RBBP8: variants seen among roughly 807,000 people sequenced by gnomAD.
RBBP8 encodes the protein DNA endonuclease RBBP8.
A neutral mutation model predicts 108.3 loss-of-function variants in RBBP8; 88 were observed. That is an observed-to-expected ratio of 0.81 (90% CI 0.68 to 0.97). The LOEUF (loss-of-function observed/expected upper bound fraction) is 0.97. RBBP8 is among the 50% of genes least tolerant of loss of function. The probability of loss-of-function intolerance (pLI) is 0.00; values close to 1 mark genes in which losing one functional copy is unlikely to be tolerated. For synonymous variants in RBBP8, 332 were observed against 348.2 expected (o/e 0.95, Z 0.52); for missense variants, 1,023 against 1,049.0 (o/e 0.98, Z 0.34).
chr18:22,984,846 A>G (rs376463459), intron 7 of RBBP8, 40 bp from the exon 8 acceptor site: 2 of 1,028,666 alleles, frequency 1.9e-6, no homozygotes, highest in Admixed American at 1.9e-5. Context: ...TTTCATCATC[A>G]TTGTTTATTG....
intron 3 of RBBP8, among the ~76,000 whole-genome samples, chr18:22,925,058 T>C (rs1384800489): frequency 2.0e-5 from 3 of 151,990 alleles, no homozygotes; most frequent in Admixed American, 6.6e-5. Flanking sequence ...TTTATTTTTA[T>C]TTTCTTGTAG....
intron 4 of RBBP8, among the ~76,000 whole-genome samples, chr18:22,964,111 C>A (rs973219719): frequency 8.6e-5 from 13 of 152,042 alleles, no homozygotes; most frequent in African/African-American, 3.1e-4. Context: ...TTTTTTCCCC[C>A]ACAATCCCCA....
At chr18:22,987,394 G>C (rs575238025) in intron 8 of RBBP8, among the ~76,000 whole-genome samples, 2 of 152,132 alleles carry the variant, frequency 1.3e-5, no homozygotes, top group African/African-American at 4.8e-5. Context: ...TGTAAACGTC[G>C]TCAGTGTTGC....
intron 12 of RBBP8, 138 bp downstream of exon 12, chr18:22,993,985 T>G (rs1304786305): frequency 1.1e-5 from 9 of 793,154 alleles, no homozygotes; most frequent in Non-Finnish European, 1.8e-5. Context: ...ATAGGACGAT[T>G]CTCACATTTT....
intron 2 of RBBP8, among the ~76,000 whole-genome samples, chr18:22,941,296 C>T (rs1352447277): frequency 6.6e-6 from 1 of 151,810 alleles, no homozygotes; most frequent in Admixed American, 6.5e-5. Flanking sequence ...CTCAGCCCCG[C>T]AAGTAGCTGG....
chr18:22,979,167 G>A (rs2144640619), intron 6 of RBBP8, among the ~76,000 whole-genome samples: 1 of 152,288 alleles, frequency 6.6e-6, no homozygotes, highest in East Asian at 1.9e-4. Flanking sequence ...TACTCGGGAG[G>A]CTGAGACACA....
chr18:23,005,440 GTC>G (rs1215907699), intron 15 of RBBP8, among the ~76,000 whole-genome samples: 1 of 152,052 alleles, frequency 6.6e-6, no homozygotes, highest in African/African-American at 2.4e-5. Flanking sequence ...TTGAGACGGA[GTC>G]TTGCTCTGTT....
intron 9 of RBBP8, among the ~76,000 whole-genome samples, chr18:22,990,311 A>G (rs1323419337): frequency 2.0e-5 from 3 of 152,194 alleles, no homozygotes; most frequent in East Asian, 3.9e-4. Context: ...CAAAATCTCC[A>G]GTTGACTTGT....
chr18:22,984,890 G>C lies in RBBP8; in HGVS notation c.609G>C (p.Met203Ile), dbSNP rs1915212521. ...KLEHSVCANE[M>I]RKVSKSSTHP... The stretch of plus-strand genomic sequence containing the variant: ...CTTATTTTTTTCTCCCCTTAGAAAT[G>C]AGAAAAGTTTCCAAGTCTTCAACTC... The change falls in exon 8 of 19, where the codon ATG becomes ATC. Residue 203 changes from methionine (M) to isoleucine (I), a missense_variant. Coordinates refer to ENST00000327155, the MANE Select transcript of RBBP8 (RefSeq NM_002894.3). 6.3e-7 allele frequency: 1 copy of C among 1,583,380 alleles called. No individual in the cohort carries two copies. Among genetic ancestry groups the C allele is most frequent in the African/African-American group, 1.3e-5 (1 of 74,210 alleles).
chr18:22,954,842 A>G (rs1912369712), intron 4 of RBBP8, among the ~76,000 whole-genome samples: 1 of 152,048 alleles, frequency 6.6e-6, no homozygotes. Flanking sequence ...CAAAAGGGGG[A>G]AAAGCCCCTT....
chr18:22,996,207 C>A (rs183222945), intron 12 of RBBP8, among the ~76,000 whole-genome samples, 167 bp from the exon 13 acceptor site: 2 of 152,208 alleles, frequency 1.3e-5, no homozygotes, highest in East Asian at 1.9e-4. Context: ...GGATATTTGT[C>A]TTTTTATTAT....
chr18:22,961,103 T>C (rs1187827025), intron 4 of RBBP8, among the ~76,000 whole-genome samples: 5 of 152,224 alleles, frequency 3.3e-5, no homozygotes, highest in Non-Finnish European at 5.9e-5. Flanking sequence ...TTGTACTAGC[T>C]CCTAGTTTAA....
chr18:23,017,419 C>T (rs1193092189), intron 17 of RBBP8, among the ~76,000 whole-genome samples: 3 of 150,776 alleles, frequency 2.0e-5, no homozygotes, highest in African/African-American at 7.3e-5. Context: ...TTTGGGAGGC[C>T]AAGGCGGGCG....
At chr18:23,002,004 ATTAG>A (rs1222556092) in intron 15 of RBBP8, among the ~76,000 whole-genome samples, 7 of 152,196 alleles carry the variant, frequency 4.6e-5, no homozygotes. Context: ...AGAAACTAAG[ATTAG>A]TTTGGTATTA....
At position 22,997,529 on chromosome 18, in the gene RBBP8, G is replaced by A. The variant is rs190200113; in HGVS notation, c.2029-91G>A. The A allele has an allele frequency of 4.3e-5, 35 of 807,458 alleles. No individual in the cohort carries two copies. The East Asian group carries it at 8.3e-4, about 19-fold the overall frequency. The allele number at this position is 807,458 out of a possible 1,614,324, so 50.0% of individuals were successfully genotyped here. On this transcript the variant is annotated intron_variant, in intron 13 of 18. Transcript: ENST00000327155. ...TTAAAAGTTGTAAAATGTATGTTAT[G>A]TATATTTTACCAAAATGTTTTGTAA... is the stretch of plus-strand genomic sequence containing the variant.
intron 16 of RBBP8, among the ~76,000 whole-genome samples, chr18:23,015,377 G>T (rs1194365609): frequency 6.6e-6 from 1 of 152,026 alleles, no homozygotes; most frequent in East Asian, 1.9e-4. Flanking sequence ...TTTTTAAATA[G>T]GTTATTATAT....
chr18:23,010,300 G>A lies in RBBP8; in HGVS notation c.2357+3868G>A, dbSNP rs2046133949. 2.0e-5 allele frequency among the ~76,000 whole-genome samples: 3 copies of A among 152,076 alleles called. No individual in the cohort carries two copies. In the East Asian group the frequency reaches 5.8e-4, roughly 29 times the overall value. ...TCATTGAGATAGATTCCTAGAAGTA[G>A]GACTGCAGAGTAACAACTGTCATTT... On this transcript the variant is annotated intron_variant, in intron 16 of 18. Coordinates refer to ENST00000327155, the MANE Select transcript of RBBP8 (RefSeq NM_002894.3).
chr18:22,958,998 C>T (rs1349084024), intron 4 of RBBP8, among the ~76,000 whole-genome samples: 1 of 152,200 alleles, frequency 6.6e-6, no homozygotes, highest in Non-Finnish European at 1.5e-5. Context: ...TCATGTTAAA[C>T]AGTCAACAAA....
intron 7 of RBBP8, among the ~76,000 whole-genome samples, chr18:22,983,903 A>C (rs1375925919): frequency 7.4e-6 from 1 of 135,886 alleles, no homozygotes; most frequent in Non-Finnish European, 1.7e-5. Context: ...AACATGGTGA[A>C]ACCCTGTATG....
Sources: allele counts gnomAD v4.1 joint callset (sites outside exome capture counted in the v4.1 genomes callset), GRCh38; gene constraint gnomAD v4.1.1; transcripts MANE v1.5; gene names NCBI Gene and HGNC (gene_info 2026-07-23, HGNC 2026-07-21).